Variants in ZNF83 observed in about 807,000 individuals in gnomAD.
ZNF83 encodes the protein zinc finger protein 83.
For missense variants in ZNF83, 552 were observed against 629.9 expected (o/e 0.88, Z 1.32); for synonymous variants, 209 against 213.0 (o/e 0.98, Z 0.17).
At chr19:52,638,448 CGA>C (rs1410385835), upstream of ZNF83, 1 of 109,920 alleles carries the variant, frequency 9.1e-6, no homozygotes, top group Admixed American at 9.8e-5. Context: ...GGTGGGAAGC[CGA>C]GAGACTTTCC....
intron 2 of ZNF83, among the ~76,000 whole-genome samples, chr19:52,628,577 G>C (rs147474767): frequency 0.012 from 1,750 of 152,164 alleles, 38 homozygotes; most frequent in African/African-American, 0.04. Flanking sequence ...ACGCCTCTCT[G>C]ATTATTCACC....
chr19:52,649,499 C>G (rs1306809288), intron 3 of ZNF83, among the ~76,000 whole-genome samples: 1 of 152,054 alleles, frequency 6.6e-6, no homozygotes, highest in Non-Finnish European at 1.5e-5. Flanking sequence ...ATTCCCGACC[C>G]AAGATCCTCA....
rs373238269 is a variant in ZNF83, at chr19:52,680,750, C to T, written c.-283+9693G>A. Among the ~76,000 whole-genome samples the T allele has an allele frequency of 6.0e-4, 85 of 142,682 alleles. 1 individual carries two copies. Among genetic ancestry groups the T allele is most frequent in the Non-Finnish European group, 3.0e-4 (20 of 66,704 alleles). 93.6% of individuals were successfully genotyped at this position (142,682 alleles called of 152,430 possible). ...GCCTCAGCCTCCCGAGTAACTGGGA[C>T]TACAGGCGCCCGCCACTACGCCCGG... On this transcript the variant is annotated intron_variant, in intron 1 of 5. Coordinates refer to the ZNF83 transcript ENST00000594682.
At chr19:52,673,322 T>C (rs937022407) in intron 1 of ZNF83, among the ~76,000 whole-genome samples, 16 of 152,042 alleles carry the variant, frequency 1.1e-4, no homozygotes, top group Non-Finnish European at 1.9e-4. Flanking sequence ...CTGACCAACA[T>C]GGTATAACCC....
chr19:52,666,912 G>C (rs2061662116), intron 1 of ZNF83, among the ~76,000 whole-genome samples: 1 of 152,196 alleles, frequency 6.6e-6, no homozygotes, highest in African/African-American at 2.4e-5. Flanking sequence ...TGCAGAAGCA[G>C]AGTTAGGAAA....
At chr19:52,659,046 G>A (rs1478936639) in intron 2 of ZNF83, among the ~76,000 whole-genome samples, 4 of 152,110 alleles carry the variant, frequency 2.6e-5, no homozygotes, top group Non-Finnish European at 4.4e-5. Context: ...TCTATGTGTC[G>A]GTGTACGTTT....
At chr19:52,629,049 T>G (rs1171862113) in intron 2 of ZNF83, among the ~76,000 whole-genome samples, 1 of 151,420 alleles carries the variant, frequency 6.6e-6, no homozygotes, top group Non-Finnish European at 1.5e-5. Context: ...CCACCCTCCA[T>G]TCCTCCTTCT....
intron 2 of ZNF83, among the ~76,000 whole-genome samples, chr19:52,616,262 TCCACCAATTTA>T (rs1167286535): frequency 6.6e-6 from 1 of 152,188 alleles, no homozygotes; most frequent in Non-Finnish European, 1.5e-5. Flanking sequence ...ATAGAGTAGG[TCCACCAATTTA>T]CACTGCAAGT....
rs148137622 is a variant in ZNF83, at chr19:52,629,585, C to T, written c.-234+5481G>A. Among the ~76,000 whole-genome samples, 770 of 152,314 alleles carry T rather than the reference C, an allele frequency of 5.1e-3. 8 individuals are homozygous for T. The highest frequency in any genetic ancestry group is 0.018 in the African/African-American group (748 of 41,564). ...TTGTTCCGTGACTAGCCCTCCCCCACCTGCCCAGCAATTTACTCTTAAAAA... is the reference window on the plus strand; with the variant it reads ...TTGTTCCGTGACTAGCCCTCCCCCATCTGCCCAGCAATTTACTCTTAAAAA... On this transcript the variant is annotated intron_variant, in intron 2 of 2. Transcript: ENST00000301096.
intron 3 of ZNF83, among the ~76,000 whole-genome samples, chr19:52,653,683 C>T (rs560037339): frequency 3.2e-4 from 49 of 152,248 alleles, no homozygotes; most frequent in African/African-American, 1.1e-3. Context: ...TCTATGATGG[C>T]GTGTAAGAGA....
At chr19:52,631,965 G>T (rs1164165028) in intron 2 of ZNF83, among the ~76,000 whole-genome samples, 5 of 140,844 alleles carry the variant, frequency 3.6e-5, no homozygotes, top group East Asian at 2.5e-4. Context: ...CATCAAGCTC[G>T]AGGATTTGCC....
At chr19:52,654,286 A>G in intron 3 of ZNF83, 1 of 1,545,366 alleles carries the variant, frequency 6.5e-7, no homozygotes, top group Non-Finnish European at 8.9e-7. Flanking sequence ...GATTTCTGGG[A>G]AGCAAAAATC....
At position 52,626,883 on chromosome 19, in the gene ZNF83, G is replaced by A. The variant is rs571465292; in HGVS notation, c.-234+8183C>T. 5.3e-5 allele frequency among the ~76,000 whole-genome samples: 8 copies of A among 152,156 alleles called. No homozygotes were observed. The South Asian group carries it at 1.7e-3, about 32-fold the overall frequency. On this transcript the variant is annotated intron_variant, in intron 2 of 2. Coordinates refer to ENST00000301096, the Ensembl canonical transcript of ZNF83. ...TGTTTTATTTTTCTTATTAATATAA[G>A]AAGACAGGAATGTCAGGCCTCTGAG...
chr19:52,677,712 T>G (rs1377789662), intron 1 of ZNF83, among the ~76,000 whole-genome samples: 1 of 139,488 alleles, frequency 7.2e-6, no homozygotes, highest in African/African-American at 2.7e-5. Flanking sequence ...GAATGATCCC[T>G]AGCTGAGTAG....
At chr19:52,679,115 G>A (rs2061866600) in intron 1 of ZNF83, among the ~76,000 whole-genome samples, 1 of 152,168 alleles carries the variant, frequency 6.6e-6, no homozygotes, top group South Asian at 2.1e-4. Context: ...TGTTAAAAAT[G>A]AACAGTGACA....
upstream of ZNF83, among the ~76,000 whole-genome samples, chr19:52,640,635 T>C (rs186004824): frequency 3.9e-5 from 6 of 152,272 alleles, no homozygotes; most frequent in East Asian, 9.7e-4. Flanking sequence ...CTACTGACTC[T>C]AATTGTCAGT....
chr19:52,619,169 G>A (rs2060437540), intron 2 of ZNF83: 2 of 1,608,044 alleles, frequency 1.2e-6, no homozygotes, highest in African/African-American at 1.3e-5. Context: ...TGAATGTTCT[G>A]ACAAATCTGA....
intron 2 of ZNF83, chr19:52,618,721 T>C: frequency 1.1e-6 from 1 of 925,390 alleles, no homozygotes; most frequent in South Asian, 1.9e-5. Flanking sequence ...AAGCCTTCTT[T>C]ACTTCTGGAA....
intron 2 of ZNF83, among the ~76,000 whole-genome samples, chr19:52,629,543 C>T (rs894086435): frequency 3.1e-4 from 47 of 152,294 alleles, no homozygotes; most frequent in Middle Eastern, 3.4e-3. Flanking sequence ...TGCTCACACC[C>T]GGTCCGGCTT....
Sources: allele counts gnomAD v4.1 joint callset (sites outside exome capture counted in the v4.1 genomes callset), GRCh38; gene constraint gnomAD v4.1.1; transcripts MANE v1.5; gene names NCBI Gene and HGNC (gene_info 2026-07-23, HGNC 2026-07-21).